Variants in ZFHX3 observed in about 807,000 individuals in gnomAD.
The protein encoded by ZFHX3 is zinc finger homeobox protein 3.
ZFHX3 carries 42 observed loss-of-function variants against 279.1 expected under a neutral mutation model. The observed-to-expected ratio is 0.15, with a 90% CI of 0.12 to 0.19. The LOEUF (loss-of-function observed/expected upper bound fraction) is 0.19, where lower values mean the gene tolerates loss of function less well. ZFHX3 is among the 10% of genes least tolerant of loss of function. The probability of loss-of-function intolerance (pLI) is 1.00; values close to 1 mark genes in which losing one functional copy is unlikely to be tolerated. For synonymous variants in ZFHX3, 2,293 were observed against 1,957.8 expected (o/e 1.17, Z -4.52); for missense variants, 4,981 against 4,754.0 (o/e 1.05, Z -1.40).
At chr16:73,776,310 C>T (rs1449237250) in intron 1 of ZFHX3, among the ~76,000 whole-genome samples, 1 of 152,090 alleles carries the variant, frequency 6.6e-6, no homozygotes, top group Non-Finnish European at 1.5e-5. Flanking sequence ...AACAACAACT[C>T]CACCTTCCCA....
At chr16:72,992,522 T>C (rs1047730260) in intron 1 of ZFHX3, among the ~76,000 whole-genome samples, 3 of 152,016 alleles carry the variant, frequency 2.0e-5, no homozygotes, top group African/African-American at 7.2e-5. Context: ...TCGGCCAAGA[T>C]TGCAAAAATT....
rs1403184995 is a variant in ZFHX3, at chr16:72,786,987, C to G, written c.*177G>C. ...AAAGAAAAAGACAAGAATGTAAAATCACCGGCATAGATAGGTATATGGGAA... is the reference window on the plus strand; with the variant it reads ...AAAGAAAAAGACAAGAATGTAAAATGACCGGCATAGATAGGTATATGGGAA... On this transcript the variant is annotated 3_prime_UTR_variant, in exon 10 of 10. Transcript: ENST00000268489. The G allele has an allele frequency of 1.3e-5, 6 of 445,934 alleles. No individual in the cohort carries two copies. The highest frequency in any genetic ancestry group is 2.1e-5 in the African/African-American group (1 of 46,882). The allele number at this position is 445,934 out of a possible 1,614,324, so 27.6% of individuals were successfully genotyped here. A position where few individuals can be genotyped will look rare whatever the true frequency, so the allele number is the denominator to read the frequency against.
rs142505926 is a variant in ZFHX3, at chr16:73,616,627, T to G, written c.-1547+63553A>C. On this transcript the variant is annotated intron_variant, in intron 2 of 17. Coordinates refer to the ZFHX3 transcript ENST00000641206. ...ATGTGTGTGTGTACATATATGCACA[T>G]GTATAAAACGCATGTCAACACTAAA... Among the ~76,000 whole-genome samples, 219 of 152,016 alleles carry G rather than the reference T, an allele frequency of 1.4e-3. 1 individual carries two copies. Among genetic ancestry groups the G allele is most frequent in the African/African-American group, 4.9e-3 (203 of 41,428 alleles).
intron 2 of ZFHX3, among the ~76,000 whole-genome samples, chr16:73,630,083 G>T (rs887730620): frequency 6.6e-6 from 1 of 151,968 alleles, no homozygotes; most frequent in Non-Finnish European, 1.5e-5. Context: ...GTCTAGACAG[G>T]TGTCATGATA....
chr16:72,933,642 C>A (rs1168772495), intron 3 of ZFHX3, among the ~76,000 whole-genome samples: 2 of 152,080 alleles, frequency 1.3e-5, no homozygotes, highest in African/African-American at 4.8e-5. Context: ...TCCACCCCTC[C>A]CCCTACTCCA....
chr16:73,814,511 A>G (rs1034472191), intron 1 of ZFHX3, among the ~76,000 whole-genome samples: 2 of 152,184 alleles, frequency 1.3e-5, no homozygotes, highest in South Asian at 2.1e-4. Flanking sequence ...ACAAATTTTA[A>G]AATACGTGAT....
chr16:73,573,067 AT>A (rs1402559771), intron 2 of ZFHX3, among the ~76,000 whole-genome samples: 2 of 152,196 alleles, frequency 1.3e-5, no homozygotes, highest in Non-Finnish European at 2.9e-5. Flanking sequence ...TAGCTCCATT[AT>A]TGTATATTCA....
chr16:73,488,611 G>C (rs545975620), intron 2 of ZFHX3, among the ~76,000 whole-genome samples: 34 of 152,194 alleles, frequency 2.2e-4, no homozygotes, highest in Non-Finnish European at 4.1e-4. Context: ...ACTGGGAAAA[G>C]CTTCAATTAT....
At chr16:73,229,034 A>C (rs970282142) in intron 5 of ZFHX3, among the ~76,000 whole-genome samples, 8 of 152,196 alleles carry the variant, frequency 5.3e-5, no homozygotes, top group African/African-American at 1.9e-4. Flanking sequence ...TATGTTCAGG[A>C]TTCTTGACTG....
intron 5 of ZFHX3, among the ~76,000 whole-genome samples, chr16:73,176,638 A>C: frequency 7.2e-6 from 1 of 138,150 alleles, no homozygotes; most frequent in African/African-American, 2.8e-5. Flanking sequence ...TTAAACCTCC[A>C]TGCACTTTGC....
chr16:73,734,789 T>C (rs1054528609), intron 1 of ZFHX3, among the ~76,000 whole-genome samples: 3 of 152,204 alleles, frequency 2.0e-5, no homozygotes, highest in African/African-American at 7.2e-5. Context: ...TGATGCTTTA[T>C]GTGAAACATG....
Position 73,327,564 on chromosome 16 carries a change from C to T in ZFHX3, c.-1290-9228G>A, listed in dbSNP as rs1235566146. Among the ~76,000 whole-genome samples the T allele has an allele frequency of 3.3e-5, 5 of 152,230 alleles. No homozygotes were observed. In the East Asian group the frequency reaches 9.6e-4, roughly 29 times the overall value. ...ACATACTTCCTTACAAAGGTGGCAC[C>T]TGGCAGATGAATGAAAGATGCTCCA... On this transcript the variant is annotated intron_variant, in intron 3 of 17. Transcript: ENST00000641206.
At chr16:72,992,831 G>A (rs989597326) in intron 1 of ZFHX3, among the ~76,000 whole-genome samples, 2 of 152,212 alleles carry the variant, frequency 1.3e-5, no homozygotes, top group Non-Finnish European at 2.9e-5. Flanking sequence ...AAGAGCCTTC[G>A]AGGGGCATCA....
chr16:73,632,733 TAGAA>T (rs2052488418), intron 2 of ZFHX3, among the ~76,000 whole-genome samples: 1 of 146,418 alleles, frequency 6.8e-6, no homozygotes, highest in Non-Finnish European at 1.5e-5. Context: ...GACTCCAGAA[TAGAA>T]AGATTTGATG....
intron 1 of ZFHX3, among the ~76,000 whole-genome samples, chr16:72,995,078 T>C (rs1377296713): frequency 1.3e-5 from 2 of 152,138 alleles, no homozygotes; most frequent in Non-Finnish European, 2.9e-5. Context: ...TCACCAAAAA[T>C]GTAGACAGGG....
At chr16:73,187,061 A>C (rs959840719) in intron 5 of ZFHX3, among the ~76,000 whole-genome samples, 1 of 152,088 alleles carries the variant, frequency 6.6e-6, no homozygotes, top group African/African-American at 2.4e-5. Context: ...GTGGAAATCA[A>C]ATCAAATCAA....
chr16:72,900,198 T>C (rs1241006117), intron 3 of ZFHX3, among the ~76,000 whole-genome samples: 3 of 148,708 alleles, frequency 2.0e-5, no homozygotes, highest in Non-Finnish European at 3.0e-5. Context: ...AGGGCACCAA[T>C]GTAATAAAAT....
intron 4 of ZFHX3, among the ~76,000 whole-genome samples, chr16:72,871,867 C>T (rs527752808): frequency 2.0e-5 from 3 of 152,214 alleles, no homozygotes; most frequent in South Asian, 2.1e-4. Flanking sequence ...AGGCAGATCA[C>T]GAGGTCACGA....
rs74030018 is a variant in ZFHX3 at position 73,259,078 on chromosome 16, T to C, written c.-1193-1942A>G. 6.7e-3 allele frequency among the ~76,000 whole-genome samples: 1,016 copies of C among 152,354 alleles called. 13 individuals are homozygous for C. Among genetic ancestry groups the C allele is most frequent in the African/African-American group, 0.023 (963 of 41,582 alleles). ...TATTTTAACTGTGTGAGAATAAATATACCACAATGGCTTGACATTTAGGTT... is the reference window on the plus strand; with the variant it reads ...TATTTTAACTGTGTGAGAATAAATACACCACAATGGCTTGACATTTAGGTT... On this transcript the variant is annotated intron_variant, in intron 4 of 17. Coordinates refer to the ZFHX3 transcript ENST00000641206.
Sources: allele counts gnomAD v4.1 joint callset (sites outside exome capture counted in the v4.1 genomes callset), GRCh38; gene constraint gnomAD v4.1.1; transcripts MANE v1.5; gene names NCBI Gene and HGNC (gene_info 2026-07-23, HGNC 2026-07-21).